HELZ2: variants seen among roughly 807,000 people sequenced by gnomAD.
HELZ2 encodes the protein helicase with zinc finger 2.
In HELZ2, 143 loss-of-function variants were observed where a neutral mutation model predicts 208.8. The ratio of observed to expected loss-of-function variants is 0.68; its 90% CI spans 0.60 to 0.79. The LOEUF is 0.79. HELZ2 is among the 30% of genes least tolerant of loss of function. The pLI is 0.00. For synonymous variants in HELZ2, 1,705 were observed against 1,693.7 expected, an observed-to-expected ratio of 1.01 and a Z score of -0.16; for missense variants, 3,690 against 3,794.5, an observed-to-expected ratio of 0.97 and a Z score of 0.72.
chr20:63,561,493 G>A (rs1161215230), intron 12 of HELZ2, 27 bp from the exon 14 acceptor site: 1 of 1,590,188 alleles, frequency 6.3e-7, no homozygotes, highest in South Asian at 1.1e-5. Flanking sequence ...AGTGAGCCCT[G>A]TCCACGCAGG....
At chr20:63,563,490 G>C in exon 8 of HELZ2, 1 of 1,512,730 alleles carries the variant, frequency 6.6e-7, no homozygotes, top group Non-Finnish European at 8.8e-7. Context: ...TGCTCGGCCA[G>C]CTGCAGGGAG....
chr20:63,573,857 C>T (rs1475503640), upstream of HELZ2, among the ~76,000 whole-genome samples: 5 of 152,116 alleles, frequency 3.3e-5, no homozygotes, highest in South Asian at 8.3e-4. This position sits in a 1 kb window ranked among gnomAD's most constrained non-coding sequence, Gnocchi z 4.9. Context: ...TATGAGAACC[C>T]GGCACTCCCC....
At position 63,562,626 on chromosome 20, in the gene HELZ2, C is replaced by T. The variant is rs1318848057; in HGVS notation, c.6196G>A (p.Val2066Met). 6.3e-7 allele frequency: 1 copy of T among 1,591,720 alleles called. No individual in the cohort carries two copies. Among genetic ancestry groups the T allele is most frequent in the Admixed American group, 1.8e-5 (1 of 57,030 alleles). The change falls in exon 8 of 19, where the codon GTG (valine) becomes ATG (methionine). Residue 2066 changes from valine to methionine, a missense_variant. Coordinates refer to ENST00000467148, the Ensembl canonical transcript of HELZ2. ...CCCATGTGGTGGACGAAGAGGTGCA[C>T]CCGTCTGGGAGCCTCCTGCCGGTCT...
downstream of HELZ2, chr20:63,559,050 G>T: frequency 3.5e-6 from 2 of 573,756 alleles, no homozygotes; most frequent in Non-Finnish European, 3.0e-6. Flanking sequence ...GTCCCCAGAT[G>T]CCCAGGAGGA....
rs2082897115 is a variant in HELZ2 at position 63,562,276 on chromosome 20, G to A, written c.6397+12C>T. On this transcript the variant is annotated intron_variant, in intron 9 of 18. Coordinates refer to ENST00000467148, the Ensembl canonical transcript of HELZ2. Reference sequence around the variant, plus strand: ...GGCCAGAGGGGAAGCTGGAGGGGTGGGGCAGACCTACCTCTGCAGAGGGGC... The same window carrying A: ...GGCCAGAGGGGAAGCTGGAGGGGTGAGGCAGACCTACCTCTGCAGAGGGGC... 3 of 1,597,136 alleles carry A rather than the reference G, an allele frequency of 1.9e-6. No individual in the cohort carries two copies. The highest frequency in any genetic ancestry group is 1.7e-4 in the Middle Eastern group (1 of 5,918).
intron 5 of HELZ2, chr20:63,568,145 G>T (rs1328156358): frequency 5.1e-6 from 3 of 589,916 alleles, no homozygotes; most frequent in Non-Finnish European, 8.9e-6. Context: ...TTGGGCCAGG[G>T]CCCCGGCAGA....
At chr20:63,559,205 T>C (rs965546911) in exon 19 of HELZ2, 1 of 1,479,864 alleles carries the variant, frequency 6.8e-7, no homozygotes. Flanking sequence ...GCCCTGGACT[T>C]TCCCTCCCAG....
At position 63,563,679 on chromosome 20, in the gene HELZ2, C is replaced by T. The variant is rs756375177; in HGVS notation, c.5143G>A (p.Ala1715Thr). 1.1e-5 allele frequency: 17 copies of T among 1,574,470 alleles called. No individual in the cohort carries two copies. The highest frequency in any genetic ancestry group is 3.3e-4 in the Middle Eastern group (2 of 6,028). The change falls in exon 8 of 19, where the codon GCA becomes ACA. Residue 1715 changes from alanine to threonine, a missense_variant. Ala to Thr is a moderately conservative substitution (Grantham distance 58). Coordinates refer to ENST00000467148, the Ensembl canonical transcript of HELZ2. Reference sequence around the variant, plus strand: ...CGCCGCTGATAGCTCTGGGCAAGTGCGTGCTGGAGGCTGAAGGCCTGGCAG... The same window carrying T: ...CGCCGCTGATAGCTCTGGGCAAGTGTGTGCTGGAGGCTGAAGGCCTGGCAG...
exon 8 of HELZ2, chr20:63,563,988 T>C (rs1483048389): frequency 1.2e-6 from 2 of 1,603,128 alleles, no homozygotes; most frequent in East Asian, 4.5e-5. Context: ...TAGTCCTGGG[T>C]GCGGGCAGCA....
At chr20:63,572,235 A>G in exon 1 of HELZ2, 1 of 1,597,970 alleles carries the variant, frequency 6.3e-7, no homozygotes. Flanking sequence ...GCCTCCTGAG[A>G]GTGGCAGGTG....
rs747717237 is a variant in HELZ2 at position 63,561,750 on chromosome 20, G to A, written c.6692-5C>T. 1 of 1,587,070 alleles carries A rather than the reference G, an allele frequency of 6.3e-7. No homozygotes were observed. Among genetic ancestry groups the A allele is most frequent in the East Asian group, 2.3e-5 (1 of 44,328 alleles). ...CCATCCTTCTCAGGAGCAGTCCTGA[G>A]GGTAGTTGGGGGACGTGAGTCCTGC... On this transcript the variant is annotated splice_region_variant and splice_polypyrimidine_tract_variant and intron_variant, in intron 11 of 18. Transcript: ENST00000467148.
At chr20:63,565,472 G>A (rs764629448) in exon 8 of HELZ2, 25 of 1,607,548 alleles carry the variant, frequency 1.6e-5, no homozygotes, top group African/African-American at 2.7e-5. Flanking sequence ...CTTCCGTAGC[G>A]CAGCCGGGGG....
At chr20:63,571,567 T>C (rs368918542) in intron 1 of HELZ2, 169 of 183,092 alleles carry the variant, frequency 9.2e-4, no homozygotes, top group African/African-American at 1.4e-3. Flanking sequence ...GCTCCTGCCC[T>C]GCTCCAAGCT....
chr20:63,560,632 GC>G lies in HELZ2; in HGVS notation c.7346del (p.Gly2449AlafsTer2). ...CCAGGACACTGGGCGGCCTCCTCAGGCCCTGCCACGTCTTCAGCTTGCTCTT... is the reference window on the plus strand; with the variant it reads ...CCAGGACACTGGGCGGCCTCCTCAGGCCTGCCACGTCTTCAGCTTGCTCTT... On this transcript the variant is annotated frameshift_variant, in exon 16 of 19. Transcript: ENST00000467148. LOFTEE classifies it high-confidence loss of function. 6.2e-7 allele frequency: 1 copy of G among 1,610,636 alleles called. No individual in the cohort carries two copies. The highest frequency in any genetic ancestry group is 8.5e-7 in the Non-Finnish European group (1 of 1,179,996).
rs186058971 is a variant in HELZ2 at position 63,560,941 on chromosome 20, G to C, written c.7147-12C>G. On this transcript the variant is annotated splice_polypyrimidine_tract_variant and intron_variant, in intron 14 of 18. Coordinates refer to ENST00000467148, the Ensembl canonical transcript of HELZ2. ...CCGAGAAGAACCACCTGGAGGAATA[G>C]GCAGGCCTGGCCCTGACACCCCTAG... 2.0e-5 allele frequency: 32 copies of C among 1,611,840 alleles called. No homozygotes were observed. The highest frequency in any genetic ancestry group is 1.2e-4 in the Admixed American group (7 of 59,970).
chr20:63,560,570 C>A, exon 16 of HELZ2: 1 of 1,612,760 alleles, frequency 6.2e-7, no homozygotes, highest in Non-Finnish European at 8.5e-7. Flanking sequence ...CTGCACGTGG[C>A]CAAAGATGAC....
exon 15 of HELZ2, chr20:63,560,867 G>A (rs1291586136): frequency 2.5e-6 from 4 of 1,613,148 alleles, no homozygotes; most frequent in South Asian, 1.1e-5. Context: ...CCAGACCCAG[G>A]TTTTGCAGCC....
At chr20:63,562,311 G>A in exon 9 of HELZ2, 1 of 1,599,842 alleles carries the variant, frequency 6.3e-7, no homozygotes, top group African/African-American at 1.3e-5. Flanking sequence ...CTGCGGGACA[G>A]GCCGGCCCAG....
At chr20:63,558,903 A>T (rs1480731205), downstream of HELZ2, 1 of 216,364 alleles carries the variant, frequency 4.6e-6, no homozygotes, top group Admixed American at 5.4e-5. Context: ...ATCCAGAGTG[A>T]TTACAGGTGG....
Sources: gnomAD v4.1 joint callset for allele counts (sites outside exome capture counted in the v4.1 genomes callset) on GRCh38, gnomAD v4.1.1 for gene constraint, Gnocchi (gnomAD v3.1) non-coding constraint, MANE v1.5 for transcripts, NCBI Gene and HGNC (gene_info 2026-07-23, HGNC 2026-07-21) for gene names.